Variants in IQGAP1 observed in about 807,000 individuals in gnomAD.
IQGAP1 encodes ras GTPase-activating-like protein IQGAP1.
Under a neutral mutation model 215.6 loss-of-function variants are expected in IQGAP1, and 66 were observed. That is an observed-to-expected ratio of 0.31 (90% CI 0.25 to 0.38). The LOEUF is 0.38. IQGAP1 is among the 10% of genes least tolerant of loss of function. The probability of loss-of-function intolerance (pLI) is 1.00; values close to 1 mark genes in which losing one functional copy is unlikely to be tolerated. For synonymous variants in IQGAP1, 772 were observed against 728.7 expected (o/e 1.06, Z -0.96); for missense variants, 1,712 against 1,997.1 (o/e 0.86, Z 2.72).
intron 2 of IQGAP1, among the ~76,000 whole-genome samples, chr15:90,415,209 G>A (rs1312902977): frequency 6.6e-6 from 1 of 152,068 alleles, no homozygotes; most frequent in African/African-American, 2.4e-5. Flanking sequence ...TAAATTACTG[G>A]CTATATGTAT....
At chr15:90,461,994 A>AG (rs1476612582) in intron 15 of IQGAP1, among the ~76,000 whole-genome samples, 1 of 12,234 alleles carries the variant, frequency 8.2e-5, no homozygotes, top group African/African-American at 2.4e-4. Flanking sequence ...AAAAAAAAAA[A>AG]AAAAAGAAAA....
chr15:90,501,081 T>C lies in IQGAP1; in HGVS notation c.*973T>C, dbSNP rs1567147590. 6.6e-6 allele frequency: 1 copy of C among 152,652 alleles called. No individual in the cohort carries two copies. Among genetic ancestry groups the C allele is most frequent in the East Asian group, 1.9e-4 (1 of 5,206 alleles). 9.5% of individuals were successfully genotyped at this position (152,652 alleles called of 1,614,324 possible). A position where few individuals can be genotyped will look rare whatever the true frequency, so the allele number is the denominator to read the frequency against. On this transcript the variant is annotated 3_prime_UTR_variant, in exon 38 of 38. Transcript: ENST00000268182. ...AAAAGCCTTAGAATAAGAAAAGCTTTTTTTAAATTGCTTTATCTGTATATC... is the reference window on the plus strand; with the variant it reads ...AAAAGCCTTAGAATAAGAAAAGCTTCTTTTAAATTGCTTTATCTGTATATC...
chr15:90,430,779 TA>T (rs912929500), intron 4 of IQGAP1, among the ~76,000 whole-genome samples: 24 of 151,964 alleles, frequency 1.6e-4, no homozygotes, highest in Non-Finnish European at 3.1e-4. Flanking sequence ...AAATTTATTT[TA>T]AAAAAGTGAG....
chr15:90,477,841 T>G lies in IQGAP1; in HGVS notation c.3281T>G (p.Ile1094Ser). The change falls in exon 26 of 38, where the codon ATT becomes AGT. Residue 1094 changes from isoleucine to serine, a missense_variant. This residue lies in a region of IQGAP1 where 691 missense variants were observed against 923.0 expected (regional missense o/e 0.75). Transcript: ENST00000268182. The stretch of plus-strand genomic sequence containing the variant: ...AACATCAAAACTGACCCTGTGGATA[T>G]TTACAAATCTTGGGTTAATCAGATG... ...SLNIKTDPVD[I>S]YKSWVNQMES... 1 of 1,614,022 alleles carries G rather than the reference T, an allele frequency of 6.2e-7. No homozygotes were observed. Among genetic ancestry groups the G allele is most frequent in the Non-Finnish European group, 8.5e-7 (1 of 1,179,938 alleles).
chr15:90,463,120 TTAA>T (rs1457430441), intron 15 of IQGAP1, among the ~76,000 whole-genome samples: 1 of 152,222 alleles, frequency 6.6e-6, no homozygotes, highest in Non-Finnish European at 1.5e-5. Context: ...CTTTTCTGTA[TTAA>T]TGTTTCCCTG....
intron 26 of IQGAP1, among the ~76,000 whole-genome samples, chr15:90,481,104 C>T (rs1024932309): frequency 1.3e-5 from 2 of 152,056 alleles, no homozygotes; most frequent in Non-Finnish European, 2.9e-5. Context: ...GCTGGAAGAG[C>T]CACGCTCCCT....
intron 37 of IQGAP1, among the ~76,000 whole-genome samples, chr15:90,499,303 A>G (rs180751039): frequency 7.9e-5 from 12 of 152,220 alleles, no homozygotes; most frequent in African/African-American, 1.2e-4. Flanking sequence ...CAAGTCATTT[A>G]ACATCTCTGA....
At chr15:90,457,587 T>A (rs1408928192) in intron 15 of IQGAP1, among the ~76,000 whole-genome samples, 2 of 139,560 alleles carry the variant, frequency 1.4e-5, no homozygotes, top group East Asian at 4.5e-4. Flanking sequence ...CCACCATGCC[T>A]GGCTAAAATT....
chr15:90,476,341 T>C (rs184388377), intron 23 of IQGAP1, among the ~76,000 whole-genome samples: 2 of 152,238 alleles, frequency 1.3e-5, no homozygotes, highest in African/African-American at 4.8e-5. Context: ...AAGCGTTTAT[T>C]ATAAATAACA....
chr15:90,498,709 G>A (rs1445718210), intron 37 of IQGAP1, among the ~76,000 whole-genome samples: 3 of 151,946 alleles, frequency 2.0e-5, no homozygotes, highest in African/African-American at 4.8e-5. Context: ...GTGTAGTGGC[G>A]TGTTCTCCAT....
intron 36 of IQGAP1, 45 bp downstream of exon 36, chr15:90,494,880 A>T (rs1340119539): frequency 1.4e-6 from 2 of 1,441,238 alleles, no homozygotes; most frequent in Non-Finnish European, 9.6e-7. Flanking sequence ...TTATTTCTAC[A>T]TTTATCACAT....
rs771035699 is a variant in IQGAP1, at chr15:90,448,720, A to T, written c.1061A>T (p.Lys354Ile). 4 of 1,598,238 alleles carry T rather than the reference A, an allele frequency of 2.5e-6. No homozygotes were observed. The highest frequency in any genetic ancestry group is 3.4e-6 in the Non-Finnish European group (4 of 1,173,540). Residue 354 changes from lysine (K) to isoleucine (I), a missense_variant, in exon 10 of 38, where the codon AAA (lysine) becomes ATA (isoleucine). Physicochemically the swap from Lys to Ile is moderately radical, Grantham distance 102. Transcript: ENST00000268182. The stretch of plus-strand genomic sequence containing the variant: ...TACTTGAAGCAGCTCCTGAGTGATA[A>T]ACAGCAGAAGAGACAGGTAAACATA... ...DWYLKQLLSD[K>I]QQKRQSGQTD... is the part of the protein sequence containing the mutation.
intron 5 of IQGAP1, among the ~76,000 whole-genome samples, chr15:90,436,931 T>G (rs1965378348): frequency 6.6e-6 from 1 of 152,212 alleles, no homozygotes; most frequent in African/African-American, 2.4e-5. Context: ...TGAAAGACAT[T>G]AAAAGCTAAG....
rs747531170 is a variant in IQGAP1 at position 90,491,323 on chromosome 15, C to G, written c.4249-10C>G. 6.2e-7 allele frequency: 1 copy of G among 1,610,646 alleles called. No homozygotes were observed. The highest frequency in any genetic ancestry group is 8.5e-7 in the Non-Finnish European group (1 of 1,178,116). ...TAAACTTGCTAAGAACTTCTTTTTCCCATCCGTAGGAAGCAGAACATCAGA... is the reference window on the plus strand; with the variant it reads ...TAAACTTGCTAAGAACTTCTTTTTCGCATCCGTAGGAAGCAGAACATCAGA... On this transcript the variant is annotated splice_polypyrimidine_tract_variant and intron_variant, in intron 33 of 37. Coordinates refer to ENST00000268182, the MANE Select transcript of IQGAP1 (RefSeq NM_003870.4).
chr15:90,389,946 C>A (rs1256440063), intron 1 of IQGAP1, among the ~76,000 whole-genome samples: 1 of 123,214 alleles, frequency 8.1e-6, no homozygotes, highest in Non-Finnish European at 1.6e-5. Context: ...CAGAACAAGA[C>A]CCTGTCTCAA....
Position 90,466,374 on chromosome 15 carries a change from C to T in IQGAP1, c.1973C>T (p.Pro658Leu). The change falls in exon 17 of 38, where the codon CCT becomes CTT. Residue 658 changes from proline to leucine, a missense_variant. Around this residue, in one of 2 missense-constraint regions of IQGAP1, gnomAD observed 1,021 missense variants for 1,074.2 expected, o/e 0.95. Transcript: ENST00000268182. ...GATGTTGGCTTGTATGGAGTCATCCCTGAGTGTGGTGAAACTTACCACAGT... is the reference window on the plus strand; with the variant it reads ...GATGTTGGCTTGTATGGAGTCATCCTTGAGTGTGGTGAAACTTACCACAGT... Reference protein sequence around the residue: ...SPDVGLYGVIPECGETYHSDL... With the variant: ...SPDVGLYGVILECGETYHSDL... 1 of 1,614,082 alleles carries T rather than the reference C, an allele frequency of 6.2e-7. No individual in the cohort carries two copies. Among genetic ancestry groups the T allele is most frequent in the Non-Finnish European group, 8.5e-7 (1 of 1,180,026 alleles).
chr15:90,476,521 T>C (rs1448805314), intron 23 of IQGAP1, 142 bp from the exon 24 acceptor site: 5 of 517,992 alleles, frequency 9.7e-6, no homozygotes, highest in African/African-American at 2.0e-5. Flanking sequence ...GGATAAAGTG[T>C]AGTGGTTTTT....
Position 90,486,011 on chromosome 15 carries a change from T to G in IQGAP1, c.3922-19T>G. 1.9e-6 allele frequency: 3 copies of G among 1,590,494 alleles called. No homozygotes were observed. Among genetic ancestry groups the G allele is most frequent in the Non-Finnish European group, 2.6e-6 (3 of 1,159,374 alleles). On this transcript the variant is annotated intron_variant, in intron 30 of 37. Coordinates refer to ENST00000268182, the MANE Select transcript of IQGAP1 (RefSeq NM_003870.4). The stretch of plus-strand genomic sequence containing the variant: ...GAAGAGTTGAATGTATAAATGGAGT[T>G]GATCATTGGTGTTTGCAGCTCCTGT...
intron 2 of IQGAP1, among the ~76,000 whole-genome samples, chr15:90,399,800 A>G (rs1964779996): frequency 6.6e-6 from 1 of 152,166 alleles, no homozygotes; most frequent in Admixed American, 6.5e-5. Context: ...GGCCTCTAAT[A>G]TCCTTTAAAA....
Sources: allele counts gnomAD v4.1 joint callset (sites outside exome capture counted in the v4.1 genomes callset), GRCh38; gene constraint gnomAD v4.1.1; regional missense constraint gnomAD v4.1.1; transcripts MANE v1.5; gene names NCBI Gene and HGNC (gene_info 2026-07-23, HGNC 2026-07-21).